MTIF2: variants seen among roughly 807,000 people sequenced by gnomAD.
The protein encoded by MTIF2 is translation initiation factor IF-2, mitochondrial.
A neutral mutation model predicts 83.5 loss-of-function variants in MTIF2; 71 were observed. The ratio of observed to expected loss-of-function variants is 0.85; its 90% confidence interval spans 0.70 to 1.04. The LOEUF is 1.04. MTIF2 is among the 50% of genes least tolerant of loss of function. The pLI is 0.00. For synonymous variants in MTIF2, 319 were observed against 287.1 expected (o/e 1.11, Z -1.12); for missense variants, 957 against 846.5 (o/e 1.13, Z -1.62).
chr2:55,264,523 A>G (rs1678284678), intron 3 of MTIF2, among the ~76,000 whole-genome samples: 1 of 152,146 alleles, frequency 6.6e-6, no homozygotes, highest in Non-Finnish European at 1.5e-5. Flanking sequence ...ATGAGCCACC[A>G]TGCCCAGCCT....
At chr2:55,261,984 CA>C (rs1678037161) in intron 5 of MTIF2, among the ~76,000 whole-genome samples, 1 of 123,448 alleles carries the variant, frequency 8.1e-6, no homozygotes, top group Non-Finnish European at 1.8e-5. Context: ...TATAGAAAAA[CA>C]AAAAGAGAAA....
intron 3 of MTIF2, among the ~76,000 whole-genome samples, chr2:55,264,591 T>C (rs1678290046): frequency 6.6e-6 from 1 of 152,128 alleles, no homozygotes; most frequent in Non-Finnish European, 1.5e-5. Context: ...GCTTTTGTTA[T>C]TGTAACCCAC....
chr2:55,249,159 T>C (rs541267295), intron 9 of MTIF2, among the ~76,000 whole-genome samples: 1 of 152,250 alleles, frequency 6.6e-6, no homozygotes, highest in African/African-American at 2.4e-5. Flanking sequence ...TATCTCATAA[T>C]AAAAAATATA....
intron 5 of MTIF2, among the ~76,000 whole-genome samples, chr2:55,256,299 TATAC>T (rs768175029): frequency 4.9e-4 from 22 of 44,612 alleles, no homozygotes; most frequent in East Asian, 8.0e-4. Context: ...CATACACACA[TATAC>T]ACACACACAC....
At position 55,243,434 on chromosome 2, in the gene MTIF2, G is replaced by C. The variant is rs377518971; in HGVS notation, c.1546C>G (p.Leu516Val). The change falls in exon 12 of 16, where the codon CTT becomes GTT. Residue 516 changes from leucine (L) to valine (V), a missense_variant. Coordinates refer to ENST00000263629, the MANE Select transcript of MTIF2 (RefSeq NM_002453.3). ...KEKRERDSNVLSVIIKGDVDG... is the reference protein window; with the variant it reads ...KEKRERDSNVVSVIIKGDVDG... ...AAGATACCTTTAATAATCACAGAAA[G>C]TACATTTGAATCTCTTTCCCTTTTC... 1 of 1,606,444 alleles carries C rather than the reference G, an allele frequency of 6.2e-7. No homozygotes were observed. Among genetic ancestry groups the C allele is most frequent in the Non-Finnish European group, 8.5e-7 (1 of 1,174,862 alleles).
chr2:55,252,092 A>G (rs1273768834), intron 8 of MTIF2, among the ~76,000 whole-genome samples: 1 of 152,262 alleles, frequency 6.6e-6, no homozygotes, highest in Non-Finnish European at 1.5e-5. Flanking sequence ...GAAGAATTCC[A>G]CATAATAAAT....
At chr2:55,252,212 TATG>T (rs1677146189) in intron 8 of MTIF2, among the ~76,000 whole-genome samples, 1 of 152,180 alleles carries the variant, frequency 6.6e-6, no homozygotes, top group South Asian at 2.1e-4. Flanking sequence ...TTAAAATTTC[TATG>T]ATAAAAAGTT....
At chr2:55,254,603 T>C (rs372656974) in intron 6 of MTIF2, 51 bp downstream of exon 6, 33 of 1,387,356 alleles carry the variant, frequency 2.4e-5, no homozygotes, top group Non-Finnish European at 3.2e-5. Context: ...AGTGTAAATA[T>C]AACTATGTAG....
At chr2:55,243,788 A>AT (rs1481186283) in intron 11 of MTIF2, 120 bp from the exon 12 acceptor site, 1 of 1,147,988 alleles carries the variant, frequency 8.7e-7, no homozygotes, top group Non-Finnish European at 1.2e-6. Context: ...TACTACTTTT[A>AT]TAAGTTTCAA....
chr2:55,242,254 G>A lies in MTIF2; in HGVS notation c.1705+686C>T, dbSNP rs530267074. ...CCTACCAAATACTTTTAATTAATCAGTTAGATGTTACCTCTATCCTTTTCA... is the reference window on the plus strand; with the variant it reads ...CCTACCAAATACTTTTAATTAATCAATTAGATGTTACCTCTATCCTTTTCA... On this transcript the variant is annotated intron_variant, in intron 13 of 15. Transcript: ENST00000263629. Among the ~76,000 whole-genome samples, 3 of 152,124 alleles carry A rather than the reference G, an allele frequency of 2.0e-5. No homozygotes were observed. The East Asian group carries it at 5.8e-4, about 29-fold the overall frequency.
intron 3 of MTIF2, among the ~76,000 whole-genome samples, chr2:55,265,201 C>G (rs1267014390): frequency 1.3e-5 from 2 of 150,886 alleles, no homozygotes; most frequent in Non-Finnish European, 2.9e-5. Flanking sequence ...CGAGATCATG[C>G]CATTGCACTC....
rs763760549 is a variant in MTIF2 at position 55,244,151 on chromosome 2, G to C, written c.1189C>G (p.Arg397Gly). 3 of 1,613,966 alleles carry C rather than the reference G, an allele frequency of 1.9e-6. No individual in the cohort carries two copies. The change falls in exon 11 of 16, where the codon CGC (arginine) becomes GGC (glycine). Residue 397 changes from arginine to glycine, a missense_variant. Coordinates refer to ENST00000263629, the MANE Select transcript of MTIF2 (RefSeq NM_002453.3). Reference sequence around the variant, plus strand: ...TTTCCATTTTCATCAAACATTAAGCGTACTTTTGCCCAACATTTTCCAGCA... The same window carrying C: ...TTTCCATTTTCATCAAACATTAAGCCTACTTTTGCCCAACATTTTCCAGCA... ...LVAGKCWAKV[R>G]LMFDENGKTI... is the part of the protein sequence containing the mutation.
intron 13 of MTIF2, among the ~76,000 whole-genome samples, chr2:55,241,968 G>A (rs1223791085): frequency 6.6e-6 from 1 of 151,780 alleles, no homozygotes; most frequent in East Asian, 1.9e-4. Flanking sequence ...CCAACATGGT[G>A]AAACCCTGTC....
chr2:55,238,579 C>G (rs1050319912), intron 14 of MTIF2, among the ~76,000 whole-genome samples: 59 of 152,060 alleles, frequency 3.9e-4, no homozygotes, highest in Middle Eastern at 3.4e-3. Context: ...TTAGTAAAGA[C>G]GGGGTTTCAC....
chr2:55,254,857 C>T, intron 5 of MTIF2, 32 bp from the exon 6 acceptor site: 2 of 1,371,532 alleles, frequency 1.5e-6, no homozygotes. Flanking sequence ...CTTTTAGGAT[C>T]ATTAATTAAA....
At chr2:55,264,522 C>G (rs988229698) in intron 3 of MTIF2, among the ~76,000 whole-genome samples, 4 of 152,128 alleles carry the variant, frequency 2.6e-5, no homozygotes, top group African/African-American at 9.7e-5. Flanking sequence ...CATGAGCCAC[C>G]ATGCCCAGCC....
At chr2:55,245,207 C>G (rs1321471605) in intron 10 of MTIF2, among the ~76,000 whole-genome samples, 9 of 151,994 alleles carry the variant, frequency 5.9e-5, no homozygotes, top group Admixed American at 5.9e-4. Context: ...TATGAAGTAT[C>G]TAAAGTAGGC....
chr2:55,262,838 C>G (rs1678136277), intron 4 of MTIF2, among the ~76,000 whole-genome samples: 2 of 152,316 alleles, frequency 1.3e-5, no homozygotes, highest in East Asian at 1.9e-4. Context: ...AAGCGCTTCT[C>G]CTGCCTCAGC....
At chr2:55,257,119 A>G (rs1043923333) in intron 5 of MTIF2, among the ~76,000 whole-genome samples, 38 of 152,330 alleles carry the variant, frequency 2.5e-4, no homozygotes, top group African/African-American at 8.2e-4. Flanking sequence ...CTGTGATGAT[A>G]ATGAAATAAG....
Sources: allele counts gnomAD v4.1 joint callset (sites outside exome capture counted in the v4.1 genomes callset), GRCh38; gene constraint gnomAD v4.1.1; transcripts MANE v1.5; gene names NCBI Gene and HGNC (gene_info 2026-07-23, HGNC 2026-07-21).